SYT16: variants seen among roughly 807,000 people sequenced by gnomAD.
SYT16 encodes synaptotagmin 16, also known as synaptotagmin-16.
A neutral mutation model predicts 61.4 loss-of-function variants in SYT16; 42 were observed. That is an observed-to-expected ratio of 0.68 (90% CI 0.53 to 0.89). SYT16 has a LOEUF of 0.89. Among genes scored for constraint, SYT16 ranks in the 40% least tolerant of loss-of-function variants. The pLI, the probability that SYT16 is intolerant of heterozygous loss-of-function variation, is 0.00. For missense variants in SYT16, 804 were observed against 807.3 expected, an observed-to-expected ratio of 1.00 and a Z score of 0.05; for synonymous variants, 314 against 302.3, an observed-to-expected ratio of 1.04 and a Z score of -0.40.
intron 1 of SYT16, among the ~76,000 whole-genome samples, chr14:61,841,316 G>C (rs927208864): frequency 1.3e-5 from 2 of 152,262 alleles, no homozygotes; most frequent in South Asian, 2.1e-4. Context: ...CCAGGGTTTT[G>C]TTTCATGTCA....
chr14:61,863,903 G>C (rs1291245125), intron 1 of SYT16, among the ~76,000 whole-genome samples: 3 of 151,942 alleles, frequency 2.0e-5, no homozygotes, highest in African/African-American at 7.3e-5. Context: ...TTGCTCCTTT[G>C]TCAAAAATCA....
intron 1 of SYT16, among the ~76,000 whole-genome samples, chr14:61,957,303 AT>A (rs1029721868): frequency 6.6e-6 from 1 of 151,622 alleles, no homozygotes; most frequent in African/African-American, 2.4e-5. Flanking sequence ...GATGACTTTT[AT>A]TTCTTTATCT....
At chr14:61,979,160 AATAG>A (rs934155194) in intron 2 of SYT16, among the ~76,000 whole-genome samples, 1 of 152,212 alleles carries the variant, frequency 6.6e-6, no homozygotes, top group Non-Finnish European at 1.5e-5. Flanking sequence ...TAAAAATAAA[AATAG>A]ATAGTATAGT....
At chr14:61,975,112 T>A (rs1443286258) in intron 2 of SYT16, among the ~76,000 whole-genome samples, 1 of 152,208 alleles carries the variant, frequency 6.6e-6, no homozygotes, top group African/African-American at 2.4e-5. Context: ...CTTACAATGG[T>A]GTTAATTCCA....
At chr14:61,996,709 T>C (rs1461551706) in intron 3 of SYT16, among the ~76,000 whole-genome samples, 167 bp downstream of exon 3, 2 of 152,092 alleles carry the variant, frequency 1.3e-5, no homozygotes, top group East Asian at 1.9e-4. Context: ...ATATTTTCAA[T>C]ATATAAAGCT....
At chr14:62,030,731 G>A (rs1012918944) in intron 3 of SYT16, among the ~76,000 whole-genome samples, 2 of 152,214 alleles carry the variant, frequency 1.3e-5, no homozygotes, top group Non-Finnish European at 2.9e-5. Context: ...TTAGCCAAGA[G>A]TGTATTATCA....
chr14:62,022,637 C>G (rs1205229828), intron 3 of SYT16, among the ~76,000 whole-genome samples: 1 of 150,830 alleles, frequency 6.6e-6, no homozygotes, highest in Non-Finnish European at 1.5e-5. Context: ...CACACACACA[C>G]AGACATATGT....
At chr14:62,045,184 A>C (rs901692433) in intron 3 of SYT16, among the ~76,000 whole-genome samples, 65 of 152,204 alleles carry the variant, frequency 4.3e-4, no homozygotes, top group African/African-American at 1.5e-3. Flanking sequence ...GTTTGCTGCT[A>C]TGTAGTTTAG....
chr14:61,935,228 A>G (rs1021096628), intron 1 of SYT16, among the ~76,000 whole-genome samples: 8 of 152,128 alleles, frequency 5.3e-5, no homozygotes, highest in Non-Finnish European at 1.2e-4. Context: ...TGACCTTTCA[A>G]TAGGGGAACT....
chr14:62,007,153 A>G (rs1446852085), intron 3 of SYT16, among the ~76,000 whole-genome samples: 3 of 152,176 alleles, frequency 2.0e-5, no homozygotes, highest in Non-Finnish European at 4.4e-5. Context: ...ACTAAATGGT[A>G]TCAGATAATA....
chr14:62,026,616 T>G (rs964554646), intron 3 of SYT16, among the ~76,000 whole-genome samples: 2 of 152,198 alleles, frequency 1.3e-5, no homozygotes, highest in Admixed American at 6.5e-5. Context: ...GGAGACACAG[T>G]CAAACCATAG....
At chr14:61,915,298 GAAGAAGATTGAATTT>G (rs2049078760) in intron 1 of SYT16, among the ~76,000 whole-genome samples, 2 of 152,090 alleles carry the variant, frequency 1.3e-5, no homozygotes, top group Non-Finnish European at 2.9e-5. Flanking sequence ...CTTAACATTT[GAAGAAGATTGAATTT>G]TTTTTAAAAC....
intron 1 of SYT16, among the ~76,000 whole-genome samples, chr14:61,887,648 A>G (rs1387859706): frequency 2.6e-5 from 4 of 152,210 alleles, no homozygotes; most frequent in African/African-American, 4.8e-5. Context: ...GCACTTTTAT[A>G]TTATGGAGAT....
intron 3 of SYT16, among the ~76,000 whole-genome samples, chr14:62,033,950 A>G (rs367600123): frequency 1.3e-5 from 2 of 152,268 alleles, no homozygotes; most frequent in East Asian, 3.9e-4. Flanking sequence ...AGCACTTGCA[A>G]ATTTTATATC....
At chr14:62,079,349 A>C in intron 5 of SYT16, 1 of 1,208,552 alleles carries the variant, frequency 8.3e-7, no homozygotes, top group Non-Finnish European at 1.1e-6. Context: ...GGCTAATTTG[A>C]ATCTTAAAAG....
At chr14:62,077,365 G>T (rs749547946) in intron 5 of SYT16, among the ~76,000 whole-genome samples, 11 of 152,354 alleles carry the variant, frequency 7.2e-5, no homozygotes, top group Admixed American at 2.0e-4. Context: ...CGTGCAGTGT[G>T]ACTACCTGTT....
At chr14:61,893,486 A>G (rs913898802) in intron 1 of SYT16, among the ~76,000 whole-genome samples, 3 of 152,210 alleles carry the variant, frequency 2.0e-5, no homozygotes, top group African/African-American at 7.2e-5. Flanking sequence ...GGTGACCTGG[A>G]GCAAATTAAC....
intron 1 of SYT16, among the ~76,000 whole-genome samples, chr14:61,862,179 C>G (rs752690928): frequency 6.6e-6 from 1 of 152,180 alleles, no homozygotes; most frequent in African/African-American, 2.4e-5. Context: ...TAACTTTTGA[C>G]AAGTGTGTAG....
At chr14:61,885,379 TATGATGATGATG>T (rs61541645) in intron 1 of SYT16, among the ~76,000 whole-genome samples, 3 of 150,906 alleles carry the variant, frequency 2.0e-5, no homozygotes, top group South Asian at 2.1e-4. Context: ...GCATGGCAGA[TATGATGATGATG>T]ATGATGATGA....
Sources: allele counts gnomAD v4.1 joint callset (sites outside exome capture counted in the v4.1 genomes callset), GRCh38; gene constraint gnomAD v4.1.1; transcripts MANE v1.5; gene names NCBI Gene and HGNC (gene_info 2026-07-23, HGNC 2026-07-21).